SLCO3A1: variants seen among roughly 807,000 people sequenced by gnomAD.
The protein encoded by SLCO3A1 is PGE1 transporter.
Under a neutral mutation model 63.1 loss-of-function variants are expected in SLCO3A1, and 27 were observed. The ratio of observed to expected loss-of-function variants is 0.43; its 90% CI spans 0.32 to 0.59. SLCO3A1 has a LOEUF of 0.59. SLCO3A1 is among the 20% of genes least tolerant of loss of function. The probability of loss-of-function intolerance (pLI) is 0.09; values close to 1 mark genes in which losing one functional copy is unlikely to be tolerated. For synonymous variants in SLCO3A1, 473 were observed against 409.9 expected (o/e 1.15, Z -1.86); for missense variants, 773 against 945.8 (o/e 0.82, Z 2.40).
At chr15:92,169,767 G>A (rs542748777), downstream of SLCO3A1, among the ~76,000 whole-genome samples, 79 of 152,288 alleles carry the variant, frequency 5.2e-4, no homozygotes, top group Middle Eastern at 3.4e-3. Flanking sequence ...ACCGAAGCTG[G>A]TCCCTAATTG....
intron 2 of SLCO3A1, among the ~76,000 whole-genome samples, chr15:92,032,451 A>C (rs1355775646): frequency 6.6e-6 from 1 of 152,118 alleles, no homozygotes; most frequent in African/African-American, 2.4e-5. Flanking sequence ...TTCCCAGTCT[A>C]GGGCTGTGTT....
intron 2 of SLCO3A1, among the ~76,000 whole-genome samples, chr15:91,972,934 A>G (rs887371312): frequency 2.6e-5 from 4 of 152,208 alleles, no homozygotes; most frequent in African/African-American, 9.7e-5. Context: ...CATCCTGGCC[A>G]ATATAGTGAA....
intron 2 of SLCO3A1, among the ~76,000 whole-genome samples, chr15:91,955,720 C>T (rs922578950): frequency 2.0e-5 from 3 of 152,226 alleles, no homozygotes; most frequent in African/African-American, 7.2e-5. Context: ...AAATTTGACA[C>T]ATGAAATCAT....
chr15:91,904,666 T>G (rs1205890356), intron 1 of SLCO3A1, among the ~76,000 whole-genome samples: 2 of 152,186 alleles, frequency 1.3e-5, no homozygotes, highest in Non-Finnish European at 2.9e-5. Context: ...AGGTGAGTTC[T>G]TATGGTTCGT....
downstream of SLCO3A1, among the ~76,000 whole-genome samples, chr15:92,170,125 T>G (rs1272740113): frequency 1.3e-5 from 2 of 152,218 alleles, no homozygotes; most frequent in Admixed American, 6.5e-5. Flanking sequence ...GTTAACCTTA[T>G]AGAAGATTCT....
intron 2 of SLCO3A1, among the ~76,000 whole-genome samples, chr15:91,996,519 A>G (rs933982653): frequency 6.6e-6 from 1 of 152,182 alleles, no homozygotes; most frequent in Non-Finnish European, 1.5e-5. Context: ...CATGTGGCAA[A>G]GTAGATGACC....
chr15:91,857,400 A>T (rs1365614970), intron 1 of SLCO3A1, among the ~76,000 whole-genome samples: 1 of 152,224 alleles, frequency 6.6e-6, no homozygotes, highest in Non-Finnish European at 1.5e-5. Context: ...AGTCACAGGG[A>T]TGTTCCATCA....
At chr15:92,124,446 C>T (rs1056585136) in intron 5 of SLCO3A1, among the ~76,000 whole-genome samples, 1 of 152,152 alleles carries the variant, frequency 6.6e-6, no homozygotes, top group Non-Finnish European at 1.5e-5. Flanking sequence ...AAACAAAACA[C>T]AGGCCTGCTT....
chr15:91,860,498 A>C lies in SLCO3A1; in HGVS notation c.180+6410A>C, dbSNP rs1215072524. On this transcript the variant is annotated intron_variant, in intron 1 of 9. Transcript: ENST00000318445. The surrounding 1 kb of genome is among the most constrained non-coding windows in gnomAD (Gnocchi z 5.5). Reference sequence around the variant, plus strand: ...AGTAATGGTATAACCCTGCTCGTTGACATTAGCACCAACAAAAGTCCCTCC... The same window carrying C: ...AGTAATGGTATAACCCTGCTCGTTGCCATTAGCACCAACAAAAGTCCCTCC... Among the ~76,000 whole-genome samples, 1 of 152,210 alleles carries C rather than the reference A, an allele frequency of 6.6e-6. No individual in the cohort carries two copies. Among genetic ancestry groups the C allele is most frequent in the Non-Finnish European group, 1.5e-5 (1 of 68,036 alleles).
At chr15:92,105,396 A>G (rs768505353) in intron 4 of SLCO3A1, among the ~76,000 whole-genome samples, 16 of 152,236 alleles carry the variant, frequency 1.1e-4, no homozygotes, top group Non-Finnish European at 2.1e-4. Context: ...TCTTAATGAC[A>G]CAGTCACACT....
At position 92,164,075 on chromosome 15, in the gene SLCO3A1, T is replaced by G; in HGVS notation, c.*940T>G. ...AATCCATATGAATTTCAAACTGTTG[T>G]ATGTATAATCCTCTAATACTATTTT... On this transcript the variant is annotated 3_prime_UTR_variant, in exon 10 of 10. Transcript: ENST00000318445. The G allele has an allele frequency of 1.0e-6, 1 of 981,632 alleles. No homozygotes were observed. The highest frequency in any genetic ancestry group is 1.2e-6 in the Non-Finnish European group (1 of 826,426). 60.8% of individuals were successfully genotyped at this position (981,632 alleles called of 1,614,324 possible). A position where few individuals can be genotyped will look rare whatever the true frequency, so the allele number is the denominator to read the frequency against.
intron 2 of SLCO3A1, among the ~76,000 whole-genome samples, chr15:92,077,963 A>G (rs1408076250): frequency 1.3e-5 from 2 of 151,680 alleles, no homozygotes; most frequent in Non-Finnish European, 2.9e-5. Flanking sequence ...CTGTGCCTCC[A>G]TTTCTTCATT....
At chr15:92,171,066 G>T (rs1165) in intron 10 of SLCO3A1, 51,935 of 152,060 alleles carry the variant, frequency 0.34, 8,971 homozygotes, top group Middle Eastern at 0.41. Context: ...CCTTTGTAGC[G>T]CTGGGTCAAA....
intron 2 of SLCO3A1, among the ~76,000 whole-genome samples, chr15:91,926,499 C>T (rs938878750): frequency 1.4e-5 from 2 of 147,718 alleles, no homozygotes; most frequent in Non-Finnish European, 3.0e-5. Flanking sequence ...AATGAATAAG[C>T]TAAATAAATG....
intron 2 of SLCO3A1, among the ~76,000 whole-genome samples, chr15:91,945,488 A>C (rs1387203970): frequency 6.6e-6 from 1 of 152,246 alleles, no homozygotes; most frequent in Non-Finnish European, 1.5e-5. Context: ...AAACAGACAC[A>C]ATAGCGGCAA....
At chr15:92,042,471 T>G (rs2046811675) in intron 2 of SLCO3A1, among the ~76,000 whole-genome samples, 1 of 152,142 alleles carries the variant, frequency 6.6e-6, no homozygotes, top group African/African-American at 2.4e-5. Flanking sequence ...CTGCTTAGCT[T>G]ATTCATCTAC....
At chr15:91,990,792 A>G (rs532239152) in intron 2 of SLCO3A1, among the ~76,000 whole-genome samples, 1 of 152,054 alleles carries the variant, frequency 6.6e-6, no homozygotes, top group African/African-American at 2.4e-5. Flanking sequence ...GCCATCCCCC[A>G]TTCTAGAATA....
At chr15:91,880,399 C>CTGTG (rs1158728794) in intron 1 of SLCO3A1, among the ~76,000 whole-genome samples, 14 of 114,526 alleles carry the variant, frequency 1.2e-4, no homozygotes, top group Non-Finnish European at 1.8e-4. Context: ...CTCTCTCTCT[C>CTGTG]TCTCTCTCTC....
chr15:92,123,982 G>A (rs1211052529), intron 5 of SLCO3A1, among the ~76,000 whole-genome samples: 2 of 152,232 alleles, frequency 1.3e-5, no homozygotes, highest in African/African-American at 4.8e-5. Flanking sequence ...CAGCACAGGT[G>A]CCCTCTGTGT....
Sources: allele counts gnomAD v4.1 joint callset (sites outside exome capture counted in the v4.1 genomes callset), GRCh38; gene constraint gnomAD v4.1.1; non-coding constraint Gnocchi (gnomAD v3.1); transcripts MANE v1.5; gene names NCBI Gene and HGNC (gene_info 2026-07-23, HGNC 2026-07-21).